The following ATP2B2 variants were observed in gnomAD, a reference collection of about 807,000 sequenced individuals.
The protein encoded by ATP2B2 is plasma membrane calcium-transporting ATPase 2.
A neutral mutation model predicts 120.0 loss-of-function variants in ATP2B2; 15 were observed. The ratio of observed to expected loss-of-function variants is 0.12; its 90% confidence interval spans 0.08 to 0.19. ATP2B2 has a LOEUF of 0.19. Ranked by LOEUF, ATP2B2 falls within the 10% of genes least tolerant of loss-of-function variation. The pLI, the probability that ATP2B2 is intolerant of heterozygous loss-of-function variation, is 1.00. For synonymous variants in ATP2B2, 694 were observed against 700.3 expected (o/e 0.99, Z 0.14); for missense variants, 1,045 against 1,719.8 (o/e 0.61, Z 6.94).
In ATP2B2 at chr3:10,327,816, G is replaced by A. The variant is rs1339418592; in HGVS notation, c.*998C>T. 1 of 152,666 alleles carries A rather than the reference G, an allele frequency of 6.6e-6. No homozygotes were observed. Among genetic ancestry groups the A allele is most frequent in the Non-Finnish European group, 1.5e-5 (1 of 68,048 alleles). 9.5% of individuals were successfully genotyped at this position (152,666 alleles called of 1,614,324 possible). On this transcript the variant is annotated 3_prime_UTR_variant, in exon 23 of 23. Transcript: ENST00000360273. ...CAGGATGGCAACTCGGTAGCATTTG[G>A]CTTCTGCCTGAGCCTCTCACGGTAG... is the stretch of plus-strand genomic sequence containing the variant.
At chr3:10,676,605 C>T (rs921439272) in intron 1 of ATP2B2, among the ~76,000 whole-genome samples, 1 of 152,124 alleles carries the variant, frequency 6.6e-6, no homozygotes. Context: ...ACTTCATATT[C>T]CTGGCACCCA....
chr3:10,480,477 A>G (rs920904366), intron 1 of ATP2B2, among the ~76,000 whole-genome samples: 5 of 152,190 alleles, frequency 3.3e-5, no homozygotes, highest in African/African-American at 1.2e-4. Context: ...AGAATGGTAC[A>G]GGGAGACCTG....
At chr3:10,659,024 C>T (rs1484713436) in intron 1 of ATP2B2, among the ~76,000 whole-genome samples, 1 of 152,154 alleles carries the variant, frequency 6.6e-6, no homozygotes, top group Non-Finnish European at 1.5e-5. Context: ...GAATAAAATC[C>T]TTTACAGACA....
chr3:10,456,859 A>G (rs2064280586), intron 1 of ATP2B2, among the ~76,000 whole-genome samples: 1 of 152,220 alleles, frequency 6.6e-6, no homozygotes, highest in Admixed American at 6.5e-5. Flanking sequence ...TAGGGGGCCC[A>G]CTGCCCCAGT....
intron 3 of ATP2B2, among the ~76,000 whole-genome samples, chr3:10,517,249 C>T (rs940978384): frequency 7.2e-5 from 11 of 152,152 alleles, no homozygotes; most frequent in Non-Finnish European, 1.5e-4. Flanking sequence ...AGGCTGGGGG[C>T]GGGGAACCTG....
chr3:10,371,692 A>AC (rs1559242329), intron 12 of ATP2B2, 117 bp downstream of exon 12: 39 of 1,505,372 alleles, frequency 2.6e-5, no homozygotes, highest in Non-Finnish European at 5.5e-6. Context: ...ATCTGACCAT[A>AC]CCAAAATATA....
intron 2 of ATP2B2, among the ~76,000 whole-genome samples, chr3:10,613,698 T>A (rs2069303084): frequency 4.0e-5 from 6 of 151,870 alleles, no homozygotes. Flanking sequence ...GCTGCCATCA[T>A]CTCTTACCCG....
intron 1 of ATP2B2, among the ~76,000 whole-genome samples, chr3:10,683,201 C>T (rs1452863921): frequency 2.0e-5 from 3 of 150,226 alleles, no homozygotes; most frequent in African/African-American, 7.4e-5. Flanking sequence ...AACTTGGGCT[C>T]ATAGAAGTCA....
chr3:10,584,837 C>T (rs1313506953), intron 2 of ATP2B2, among the ~76,000 whole-genome samples: 1 of 152,198 alleles, frequency 6.6e-6, no homozygotes, highest in Non-Finnish European at 1.5e-5. Context: ...CACAATTTCA[C>T]CTGGTTTAGC....
intron 1 of ATP2B2, among the ~76,000 whole-genome samples, chr3:10,461,393 C>A (rs374801454): frequency 1.3e-5 from 2 of 152,300 alleles, no homozygotes; most frequent in East Asian, 3.9e-4. Flanking sequence ...GGAGGAAAAT[C>A]AAAAGGCCAG....
At chr3:10,590,791 T>G (rs866391938) in intron 2 of ATP2B2, among the ~76,000 whole-genome samples, 15 of 152,174 alleles carry the variant, frequency 9.9e-5, no homozygotes, top group African/African-American at 3.6e-4. Context: ...CTGAAGCATG[T>G]GCACCCGTGC....
intron 22 of ATP2B2, among the ~76,000 whole-genome samples, chr3:10,337,530 G>A (rs1452916376): frequency 6.6e-6 from 1 of 152,150 alleles, no homozygotes; most frequent in Admixed American, 6.5e-5. Context: ...GCGCGCAGGT[G>A]TGTCGTGTGC....
chr3:10,536,986 G>A (rs1024886005), intron 2 of ATP2B2, among the ~76,000 whole-genome samples: 2 of 152,132 alleles, frequency 1.3e-5, no homozygotes, highest in African/African-American at 4.8e-5. Flanking sequence ...AGCACCATTT[G>A]TTGAAAAGGT....
intron 14 of ATP2B2, among the ~76,000 whole-genome samples, chr3:10,353,283 G>A (rs2060627246): frequency 1.3e-5 from 2 of 152,222 alleles, no homozygotes; most frequent in South Asian, 4.1e-4. Flanking sequence ...GAGCACAGAG[G>A]GCACTGTTGC....
At chr3:10,367,132 C>T (rs533036811) in intron 12 of ATP2B2, among the ~76,000 whole-genome samples, 11 of 152,274 alleles carry the variant, frequency 7.2e-5, no homozygotes, top group South Asian at 4.1e-4. Context: ...CTGGCTCCCC[C>T]CATTTCTCCC....
intron 2 of ATP2B2, among the ~76,000 whole-genome samples, chr3:10,617,693 T>A (rs79449420): frequency 6.6e-6 from 1 of 152,238 alleles, no homozygotes; most frequent in African/African-American, 2.4e-5. Context: ...CTGAGAGTGC[T>A]GGTCTTCACA....
Position 10,385,281 on chromosome 3 carries a change from G to A in ATP2B2, c.987C>T (p.Ala329=). Residue 329 remains alanine, a synonymous_variant, in exon 8 of 23, where the codon GCC becomes GCT. Transcript: ENST00000360273. ...AASNAADSAN[A]SLVNGKMQDG... ...TGGGAGACATACCATTGACTAGGCT[G>A]GCATTCGCACTATCTGCAGCATTTG... 2 of 1,613,930 alleles carry A rather than the reference G, an allele frequency of 1.2e-6. No individual in the cohort carries two copies. The highest frequency in any genetic ancestry group is 1.7e-6 in the Non-Finnish European group (2 of 1,179,978).
chr3:10,344,198 G>A (rs185264336), intron 18 of ATP2B2, among the ~76,000 whole-genome samples: 9 of 152,006 alleles, frequency 5.9e-5, no homozygotes, highest in South Asian at 2.1e-4. Context: ...GCATGGCCTC[G>A]CCACCAACTC....
At chr3:10,421,560 AGAG>A (rs2062981113) in intron 2 of ATP2B2, among the ~76,000 whole-genome samples, 1 of 152,194 alleles carries the variant, frequency 6.6e-6, no homozygotes, top group South Asian at 2.1e-4. Flanking sequence ...GGAGACTGGA[AGAG>A]GAGATGAGGC....
Sources: gnomAD v4.1 joint callset for allele counts (sites outside exome capture counted in the v4.1 genomes callset) on GRCh38, gnomAD v4.1.1 for gene constraint, MANE v1.5 for transcripts, NCBI Gene and HGNC (gene_info 2026-07-23, HGNC 2026-07-21) for gene names.